Variants in PRDX1 observed in about 807,000 individuals in gnomAD.
PRDX1 encodes peroxiredoxin 1, also known as peroxiredoxin-1.
In PRDX1, 19 loss-of-function variants were observed where a neutral mutation model predicts 20.7. The ratio of observed to expected loss-of-function variants is 0.92; its 90% CI spans 0.64 to 1.35. The LOEUF is 1.35. PRDX1 is among the 40% of genes most tolerant of loss of function. The pLI is 0.00. For missense variants in PRDX1, 226 were observed against 240.0 expected (o/e 0.94, Z 0.38); for synonymous variants, 89 against 83.9 (o/e 1.06, Z -0.33).
chr1:45,518,883 A>AC (rs780317443), intron 2 of PRDX1, 55 bp downstream of exon 2: 5 of 1,413,868 alleles, frequency 3.5e-6, no homozygotes, highest in East Asian at 4.6e-5. Flanking sequence ...CTAACAAGCC[A>AC]CCCCTAGAAT....
Position 45,515,530 on chromosome 1 carries a change from C to CA in PRDX1, c.260+123dup, listed in dbSNP as rs34968310. On this transcript the variant is annotated intron_variant, in intron 3 of 5. Coordinates refer to ENST00000319248, the MANE Select transcript of PRDX1 (RefSeq NM_181697.3). ...AGGAGAATGGCGTGAAACTGGGAGG[C>CA]AGAGCTTGAAGTGAGCGGAGATCAC... 253 of 999,134 alleles carry CA rather than the reference C, an allele frequency of 2.5e-4. 3 individuals carry two copies. In the East Asian group the frequency reaches 7.6e-3, roughly 30 times the overall value. 61.9% of individuals were successfully genotyped at this position (999,134 alleles called of 1,614,324 possible).
intron 2 of PRDX1, 110 bp downstream of exon 2, chr1:45,518,827 TC>T (rs1643883608): frequency 1.0e-6 from 1 of 972,292 alleles, no homozygotes; most frequent in African/African-American, 1.7e-5. Context: ...AAATACTTCT[TC>T]CTAGGAGACA....
intron 2 of PRDX1, among the ~76,000 whole-genome samples, chr1:45,517,801 A>C (rs926119568): frequency 1.6e-4 from 24 of 148,480 alleles, no homozygotes; most frequent in African/African-American, 4.9e-4. Flanking sequence ...AAAAAAAAAA[A>C]AAACTATGAC....
chr1:45,511,827 T>G (rs1643753243), intron 5 of PRDX1: 1 of 154,232 alleles, frequency 6.5e-6, no homozygotes, highest in Non-Finnish European at 1.4e-5. Context: ...CTTCTCAGCA[T>G]TCTTCTAACT....
At chr1:45,515,324 G>A (rs2149327772) in intron 3 of PRDX1, among the ~76,000 whole-genome samples, 1 of 152,142 alleles carries the variant, frequency 6.6e-6, no homozygotes, top group Non-Finnish European at 1.5e-5. Context: ...TGCCAGCCAG[G>A]TGCAGTGGCT....
At chr1:45,516,335 A>C (rs1197037891) in intron 2 of PRDX1, among the ~76,000 whole-genome samples, 1 of 152,192 alleles carries the variant, frequency 6.6e-6, no homozygotes, top group Non-Finnish European at 1.5e-5. Context: ...GGACAGGAAA[A>C]ATTTTAAGCC....
intron 1 of PRDX1, among the ~76,000 whole-genome samples, chr1:45,520,585 G>T (rs766315028): frequency 5.3e-5 from 8 of 151,710 alleles, no homozygotes; most frequent in Non-Finnish European, 8.8e-5. Context: ...TTAGCCGGGG[G>T]TGGTGGCACG....
intron 1 of PRDX1, 136 bp from the exon 2 acceptor site, chr1:45,519,190 A>G: frequency 1.7e-6 from 1 of 588,404 alleles, no homozygotes; most frequent in Non-Finnish European, 2.9e-6. Flanking sequence ...ATGTTGTTTT[A>G]GTAAGAAGCT....
rs747351895 is a variant in PRDX1 at position 45,514,925 on chromosome 1, T to C, written c.331A>G (p.Thr111Ala). 6.2e-7 allele frequency: 1 copy of C among 1,614,204 alleles called. No homozygotes were observed. Among genetic ancestry groups the C allele is most frequent in the South Asian group, 1.1e-5 (1 of 91,088 alleles). ...AAGACCCCATAATCCTGAGCAATGGTGCGCTTCGGGTCTGATACCAAAGGA... is the reference window on the plus strand; with the variant it reads ...AAGACCCCATAATCCTGAGCAATGGCGCGCTTCGGGTCTGATACCAAAGGA... ...NIPLVSDPKR[T>A]IAQDYGVLKA... is the part of the protein sequence containing the mutation. The change falls in exon 4 of 6, where the codon ACC becomes GCC. Residue 111 changes from threonine to alanine, a missense_variant. Transcript: ENST00000319248.
Position 45,514,927 on chromosome 1 carries a change from C to T in PRDX1, c.329G>A (p.Arg110His), listed in dbSNP as rs200041504. Residue 110 changes from arginine (R) to histidine (H), a missense_variant, in exon 4 of 6, where the codon CGC becomes CAC. By Grantham distance (29) the Arg-to-His change is conservative. Coordinates refer to ENST00000319248, the MANE Select transcript of PRDX1 (RefSeq NM_181697.3). Reference sequence around the variant, plus strand: ...GACCCCATAATCCTGAGCAATGGTGCGCTTCGGGTCTGATACCAAAGGAAT... The same window carrying T: ...GACCCCATAATCCTGAGCAATGGTGTGCTTCGGGTCTGATACCAAAGGAAT... Reference protein sequence around the residue: ...MNIPLVSDPKRTIAQDYGVLK... With the variant: ...MNIPLVSDPKHTIAQDYGVLK... The T allele has an allele frequency of 6.2e-6, 10 of 1,614,186 alleles. No homozygotes were observed. Among genetic ancestry groups the T allele is most frequent in the Middle Eastern group, 1.6e-4 (1 of 6,062 alleles).
intron 2 of PRDX1, among the ~76,000 whole-genome samples, chr1:45,517,654 C>T (rs891757642): frequency 2.6e-5 from 4 of 151,948 alleles, no homozygotes; most frequent in Non-Finnish European, 4.4e-5. Context: ...TGGTTGCGGG[C>T]GCCTGTAGTC....
At chr1:45,513,514 G>T (rs985447926) in intron 5 of PRDX1, 4 of 152,236 alleles carry the variant, frequency 2.6e-5, no homozygotes, top group African/African-American at 9.7e-5. Context: ...CTACCACTGT[G>T]GGGAAAAGAG....
At chr1:45,515,386 T>C (rs1268564894) in intron 3 of PRDX1, among the ~76,000 whole-genome samples, 2 of 151,328 alleles carry the variant, frequency 1.3e-5, no homozygotes, top group African/African-American at 2.4e-5. Context: ...GATCACGAGG[T>C]CAGGAGATCA....
Position 45,518,954 on chromosome 1 carries a change from G to A in PRDX1, c.90C>T (p.Ser30=). 6.2e-7 allele frequency: 1 copy of A among 1,603,398 alleles called. No homozygotes were observed. The highest frequency in any genetic ancestry group is 8.5e-7 in the Non-Finnish European group (1 of 1,174,684). Residue 30 remains serine, a synonymous_variant, in exon 2 of 6, where the codon AGC becomes AGT. Coordinates refer to ENST00000319248, the MANE Select transcript of PRDX1 (RefSeq NM_181697.3). ...TTCTCTCACCTTTGTAGTCAGACAGGCTGATATCTTTAAACTGACCATCTG... is the reference window on the plus strand; with the variant it reads ...TTCTCTCACCTTTGTAGTCAGACAGACTGATATCTTTAAACTGACCATCTG... ...VMPDGQFKDI[S]LSDYKGKYVV...
intron 1 of PRDX1, among the ~76,000 whole-genome samples, chr1:45,520,552 G>A (rs1227631763): frequency 6.6e-6 from 1 of 151,734 alleles, no homozygotes; most frequent in African/African-American, 2.4e-5. Flanking sequence ...GTGAAACCCC[G>A]TCTCTAACAA....
At chr1:45,520,549 C>T (rs1361063599) in intron 1 of PRDX1, among the ~76,000 whole-genome samples, 1 of 151,848 alleles carries the variant, frequency 6.6e-6, no homozygotes, top group Non-Finnish European at 1.5e-5. Flanking sequence ...ATAGTGAAAC[C>T]CCGTCTCTAA....
Position 45,511,341 on chromosome 1 carries a change from G to A in PRDX1, c.588C>T (p.Ser196=), listed in dbSNP as rs774027381. Residue 196 remains serine, a synonymous_variant, in exon 6 of 6, where the codon TCC becomes TCT. Transcript: ENST00000319248. ...AACAGCCCAGCGCTCACTTCTGCTTGGAGAAATATTCTTTGCTCTTTTGGA... is the reference window on the plus strand; with the variant it reads ...AACAGCCCAGCGCTCACTTCTGCTTAGAGAAATATTCTTTGCTCTTTTGGA... ...PDVQKSKEYF[S]KQK is the part of the protein sequence containing the mutation. 2 of 1,612,230 alleles carry A rather than the reference G, an allele frequency of 1.2e-6. No individual in the cohort carries two copies. Among genetic ancestry groups the A allele is most frequent in the Admixed American group, 3.3e-5 (2 of 59,808 alleles).
intron 1 of PRDX1, among the ~76,000 whole-genome samples, chr1:45,521,005 T>C (rs2149330746): frequency 6.6e-6 from 1 of 152,340 alleles, no homozygotes; most frequent in African/African-American, 2.4e-5. Context: ...TTTGTAAGCA[T>C]GGATCTTAGC....
chr1:45,516,468 A>AGACTGTCTC (rs1491277531), intron 2 of PRDX1, among the ~76,000 whole-genome samples: 1 of 152,056 alleles, frequency 6.6e-6, no homozygotes, highest in African/African-American at 2.4e-5. Context: ...AACAACAGAA[A>AGACTGTCTC]TATATATATA....
Sources: allele counts gnomAD v4.1 joint callset (sites outside exome capture counted in the v4.1 genomes callset), GRCh38; gene constraint gnomAD v4.1.1; transcripts MANE v1.5; gene names NCBI Gene and HGNC (gene_info 2026-07-23, HGNC 2026-07-21).